CFAP61: variants seen among roughly 807,000 people sequenced by gnomAD.
The protein encoded by CFAP61 is cilia and flagella associated protein 61.
Under a neutral mutation model 135.6 loss-of-function variants are expected in CFAP61, and 107 were observed. The observed-to-expected ratio is 0.79, with a 90% CI of 0.67 to 0.93. CFAP61 has a LOEUF of 0.93. CFAP61 is among the 40% of genes least tolerant of loss of function. The pLI is 0.00. For missense variants in CFAP61, 1,507 were observed against 1,556.2 expected, an observed-to-expected ratio of 0.97 and a Z score of 0.53; for synonymous variants, 575 against 578.5, an observed-to-expected ratio of 0.99 and a Z score of 0.09.
intron 15 of CFAP61, among the ~76,000 whole-genome samples, chr20:20,192,316 T>C (rs1279642881): frequency 2.0e-5 from 3 of 152,130 alleles, no homozygotes; most frequent in Non-Finnish European, 4.4e-5. Context: ...TTGTTTGTCC[T>C]GTGGGTCCAC....
intron 8 of CFAP61, among the ~76,000 whole-genome samples, chr20:20,116,752 C>T (rs183873023): frequency 1.1e-3 from 162 of 152,222 alleles, no homozygotes; most frequent in African/African-American, 3.7e-3. Flanking sequence ...TTCTCTCCCC[C>T]ACCCCTCTAC....
At chr20:20,171,842 C>G (rs997606265) in intron 13 of CFAP61, 3 of 686,172 alleles carry the variant, frequency 4.4e-6, no homozygotes, top group African/African-American at 3.6e-5. Context: ...CTGTGGCATG[C>G]AAGAGTTTCA....
rs538757766 is a variant in CFAP61 at position 20,207,542 on chromosome 20, G to A, written c.1932+7640G>A. On this transcript the variant is annotated intron_variant, in intron 17 of 26. Transcript: ENST00000245957. ...CTGAGCTCCCAGGCAGAAACTGGCC[G>A]TGGCAGCTAAGTGGCTTCTTCAGAA... 7.2e-5 allele frequency among the ~76,000 whole-genome samples: 11 copies of A among 152,310 alleles called. No homozygotes were observed. In the East Asian group the frequency reaches 1.4e-3, roughly 19 times the overall value.
At chr20:20,105,894 C>A (rs772376341) in intron 8 of CFAP61, among the ~76,000 whole-genome samples, 233 of 150,690 alleles carry the variant, frequency 1.5e-3, no homozygotes, top group Non-Finnish European at 2.3e-3. Context: ...CCACCTCAGC[C>A]TCCCAAAGTG....
At chr20:20,205,982 G>C (rs1013899437) in intron 17 of CFAP61, among the ~76,000 whole-genome samples, 2 of 150,442 alleles carry the variant, frequency 1.3e-5, no homozygotes, top group Non-Finnish European at 1.5e-5. Flanking sequence ...AGTAACTACA[G>C]GTTTATTTTT....
intron 17 of CFAP61, among the ~76,000 whole-genome samples, chr20:20,208,100 CAG>C (rs1476697674): frequency 6.6e-6 from 1 of 152,206 alleles, no homozygotes; most frequent in Non-Finnish European, 1.5e-5. Context: ...ACAGATGTTT[CAG>C]AGTCATCGTC....
intron 20 of CFAP61, among the ~76,000 whole-genome samples, chr20:20,261,723 G>C (rs1243793365): frequency 6.6e-6 from 1 of 152,054 alleles, no homozygotes; most frequent in East Asian, 1.9e-4. Flanking sequence ...TTCTTGGGAA[G>C]TCAGATCTGG....
At chr20:20,081,504 T>G (rs980208933) in intron 6 of CFAP61, among the ~76,000 whole-genome samples, 1 of 152,206 alleles carries the variant, frequency 6.6e-6, no homozygotes, top group Admixed American at 6.5e-5. Context: ...TATTGTCTGT[T>G]AATTTACTCG....
intron 1 of CFAP61, 137 bp from the exon 2 acceptor site, chr20:20,056,481 G>T: frequency 1.6e-6 from 1 of 630,068 alleles, no homozygotes; most frequent in Non-Finnish European, 2.7e-6. Flanking sequence ...AGTGACAGTT[G>T]TCACAGACTA....
chr20:20,156,034 TAG>T (rs1295740126), intron 9 of CFAP61, among the ~76,000 whole-genome samples: 1 of 151,374 alleles, frequency 6.6e-6, no homozygotes, highest in Non-Finnish European at 1.5e-5. Flanking sequence ...GCCATCAACA[TAG>T]AGTCTTTTAT....
intron 6 of CFAP61, among the ~76,000 whole-genome samples, chr20:20,089,031 C>T (rs377535680): frequency 1.8e-4 from 28 of 152,178 alleles, no homozygotes; most frequent in African/African-American, 6.5e-4. Flanking sequence ...TCCTGCAGGG[C>T]GCAGGAGGAA....
intron 2 of CFAP61, 151 bp downstream of exon 2, chr20:20,056,947 A>C: frequency 7.6e-5 from 50 of 657,816 alleles, no homozygotes; most frequent in East Asian, 1.1e-4. Context: ...GCAAAACCTC[A>C]TCTCTACTAA....
chr20:20,182,529 C>T (rs2146854417), intron 13 of CFAP61, among the ~76,000 whole-genome samples: 1 of 152,072 alleles, frequency 6.6e-6, no homozygotes, highest in South Asian at 2.1e-4. Flanking sequence ...TGTGGACTGT[C>T]TGGTTCCCTG....
intron 11 of CFAP61, among the ~76,000 whole-genome samples, chr20:20,166,045 A>T (rs1367390145): frequency 6.6e-6 from 1 of 152,216 alleles, no homozygotes; most frequent in Admixed American, 6.5e-5. Context: ...TCTTCAACAG[A>T]TAAAAGGGAA....
intron 10 of CFAP61, among the ~76,000 whole-genome samples, chr20:20,163,584 G>GTT (rs11451536): frequency 9.4e-5 from 14 of 149,724 alleles, no homozygotes; most frequent in East Asian, 2.0e-4. Flanking sequence ...GTGAGAACTA[G>GTT]TTTTTTTTTT....
chr20:20,253,822 C>T, intron 20 of CFAP61: 2 of 193,470 alleles, frequency 1.0e-5, no homozygotes, highest in South Asian at 1.6e-4. Context: ...GTTCACATTT[C>T]CACAGATTGT....
chr20:20,215,798 T>G (rs1279606731), intron 17 of CFAP61, among the ~76,000 whole-genome samples: 4 of 152,004 alleles, frequency 2.6e-5, no homozygotes, highest in Non-Finnish European at 5.9e-5. Flanking sequence ...GAAATTATTA[T>G]AGAAGACCTA....
At chr20:20,199,669 G>T (rs1210021660) in intron 16 of CFAP61, 99 bp from the exon 17 acceptor site, 3 of 1,345,908 alleles carry the variant, frequency 2.2e-6, no homozygotes, top group Admixed American at 2.2e-5. Context: ...CTCTGACTTG[G>T]CCGAGTTAAG....
At chr20:20,261,943 G>GAGAGAA (rs1286481001) in intron 20 of CFAP61, among the ~76,000 whole-genome samples, 1 of 152,214 alleles carries the variant, frequency 6.6e-6, no homozygotes, top group Non-Finnish European at 1.5e-5. Flanking sequence ...CATCAAAAAT[G>GAGAGAA]AGAGAAAGAT....
Sources: allele counts gnomAD v4.1 joint callset (sites outside exome capture counted in the v4.1 genomes callset), GRCh38; gene constraint gnomAD v4.1.1; transcripts MANE v1.5; gene names NCBI Gene and HGNC (gene_info 2026-07-23, HGNC 2026-07-21).